The following CARF variants were observed in gnomAD, a reference collection of about 807,000 sequenced individuals.
CARF encodes calcium-responsive transcription factor.
In CARF, 57 loss-of-function variants were observed where a neutral mutation model predicts 82.0. That is an observed-to-expected ratio of 0.70 (90% CI 0.56 to 0.87). The LOEUF (loss-of-function observed/expected upper bound fraction) is 0.87. CARF is among the 40% of genes least tolerant of loss of function. The probability of loss-of-function intolerance (pLI) is 0.00; values close to 1 mark genes in which losing one functional copy is unlikely to be tolerated. For missense variants in CARF, 771 were observed against 855.8 expected (o/e 0.90, Z 1.24); for synonymous variants, 268 against 290.1 (o/e 0.92, Z 0.77).
In CARF at chr2:202,986,868, G is replaced by GTATGTATATATATATA. The variant is rs1491098285; in HGVS notation, c.*3247_*3248insGTATATATATATATAT. On this transcript the variant is annotated 3_prime_UTR_variant, in exon 17 of 17. Coordinates refer to ENST00000438828, the MANE Select transcript of CARF (RefSeq NM_024744.17). ...AAAGAGGTTTAAAAAATGTCTGTGC[G>GTATGTATATATATATA]TATATATATATATATATATATATAT... 1.3e-4 allele frequency: 4 copies of GTATGTATATATATATA among 29,638 alleles called. No homozygotes were observed. Among genetic ancestry groups the GTATGTATATATATATA allele is most frequent in the African/African-American group, 3.1e-4 (4 of 13,012 alleles). The allele number at this position is 29,638 out of a possible 1,614,324, so 1.8% of individuals were successfully genotyped here. A position where few individuals can be genotyped will look rare whatever the true frequency, so the allele number is the denominator to read the frequency against.
chr2:202,943,587 TACACACACAC>T (rs754214990), intron 5 of CARF, among the ~76,000 whole-genome samples: 65 of 115,182 alleles, frequency 5.6e-4, no homozygotes, highest in African/African-American at 1.9e-3. Context: ...TAATGGAATG[TACACACACAC>T]ACACACACAC....
intron 3 of CARF, chr2:202,934,445 GT>G (rs1274698577): frequency 6.6e-6 from 1 of 152,022 alleles, no homozygotes; most frequent in African/African-American, 2.4e-5. Flanking sequence ...TTAAAAGTTG[GT>G]TTTTCTTGTT....
intron 3 of CARF, among the ~76,000 whole-genome samples, chr2:202,932,547 G>A (rs1693125947): frequency 6.6e-6 from 1 of 152,092 alleles, no homozygotes; most frequent in African/African-American, 2.4e-5. Flanking sequence ...TGAGCCAATA[G>A]GGCTCGGTGG....
intron 7 of CARF, among the ~76,000 whole-genome samples, chr2:202,954,625 T>C (rs1020713464): frequency 5.3e-5 from 8 of 150,602 alleles, no homozygotes; most frequent in African/African-American, 2.0e-4. Context: ...AGGCAGAGAA[T>C]TGCTTGAACC....
At chr2:202,930,155 C>T (rs945520281) in intron 3 of CARF, among the ~76,000 whole-genome samples, 1 of 152,130 alleles carries the variant, frequency 6.6e-6, no homozygotes. Context: ...TCAAGCGATT[C>T]TCATGCCTTA....
rs1465856987 is a variant in CARF at position 202,987,152 on chromosome 2, G to T, written c.*3528G>T. The T allele has an allele frequency of 6.6e-6, 1 of 151,226 alleles. No homozygotes were observed. Among genetic ancestry groups the T allele is most frequent in the Non-Finnish European group, 1.5e-5 (1 of 67,868 alleles). 9.4% of individuals were successfully genotyped at this position (151,226 alleles called of 1,614,324 possible). A position where few individuals can be genotyped will look rare whatever the true frequency, so the allele number is the denominator to read the frequency against. On this transcript the variant is annotated 3_prime_UTR_variant, in exon 17 of 17. Transcript: ENST00000438828. ...ACTCCTGTTAGCATTACATTTTGGG[G>T]AGACATATATGCATTTAATACCCTG...
Position 202,952,653 on chromosome 2 carries a change from A to G in CARF, c.401A>G (p.Gln134Arg). ...GMAQVIIPQGQLVDVNSPRDV... is the reference protein window; with the variant it reads ...GMAQVIIPQGRLVDVNSPRDV... ...GCACAAGTGATTATACCTCAGGGGCAACTTGTGGATGTGAATAGTCCTCGG... is the reference window on the plus strand; with the variant it reads ...GCACAAGTGATTATACCTCAGGGGCGACTTGTGGATGTGAATAGTCCTCGG... The change falls in exon 6 of 17, where the codon CAA (glutamine) becomes CGA (arginine). Residue 134 changes from glutamine (Q) to arginine (R), a missense_variant. Physicochemically the swap from Gln to Arg is conservative, Grantham distance 43. Coordinates refer to ENST00000438828, the MANE Select transcript of CARF (RefSeq NM_024744.17). The G allele has an allele frequency of 3.1e-6, 5 of 1,613,936 alleles. No individual in the cohort carries two copies. The highest frequency in any genetic ancestry group is 4.2e-6 in the Non-Finnish European group (5 of 1,179,916).
At chr2:202,957,132 T>C (rs1179190437) in intron 8 of CARF, among the ~76,000 whole-genome samples, 11 of 152,180 alleles carry the variant, frequency 7.2e-5, no homozygotes. Flanking sequence ...AGTATCTTTT[T>C]CTTTTTGGCC....
chr2:202,963,431 A>T (rs1260490901), intron 9 of CARF, among the ~76,000 whole-genome samples: 1 of 152,208 alleles, frequency 6.6e-6, no homozygotes, highest in Non-Finnish European at 1.5e-5. Context: ...TAATATGGTA[A>T]CATTATGGAA....
At chr2:202,928,190 C>A (rs765362461) in intron 3 of CARF, among the ~76,000 whole-genome samples, 52 of 152,176 alleles carry the variant, frequency 3.4e-4, no homozygotes, top group Non-Finnish European at 7.1e-4. Flanking sequence ...TGAAATCAAC[C>A]TTTTAACTTT....
At chr2:202,938,651 T>G (rs6714099) in intron 3 of CARF, among the ~76,000 whole-genome samples, 38,762 of 92,470 alleles carry the variant, frequency 0.42, 5,950 homozygotes, top group East Asian at 0.67. Context: ...TGTGGGGGGG[T>G]TTTTTTTGTT....
intron 3 of CARF, among the ~76,000 whole-genome samples, chr2:202,941,343 T>A (rs2058221037): frequency 6.6e-6 from 1 of 152,148 alleles, no homozygotes; most frequent in South Asian, 2.1e-4. Flanking sequence ...TTCTTCATTT[T>A]CTTTTTTAAA....
chr2:202,943,630 AT>A (rs2058347664), intron 5 of CARF, among the ~76,000 whole-genome samples: 1 of 116,484 alleles, frequency 8.6e-6, no homozygotes, highest in Non-Finnish European at 2.1e-5. Flanking sequence ...ACACACACAC[AT>A]ATTAGGCTAA....
chr2:202,961,626 G>T (rs2059325468), intron 9 of CARF, 200 bp downstream of exon 9: 2 of 551,298 alleles, frequency 3.6e-6, no homozygotes, highest in African/African-American at 1.9e-5. Context: ...ATATATCAAT[G>T]AATAAATAAG....
chr2:202,971,766 C>A, intron 12 of CARF, 28 bp downstream of exon 12: 3 of 1,555,634 alleles, frequency 1.9e-6, no homozygotes, highest in Non-Finnish European at 2.7e-6. Flanking sequence ...TGTTCTTTTA[C>A]ATTTTTCAGT....
chr2:202,945,508 T>C (rs1032865930), intron 5 of CARF, among the ~76,000 whole-genome samples: 1 of 152,062 alleles, frequency 6.6e-6, no homozygotes, highest in Non-Finnish European at 1.5e-5. Flanking sequence ...GTTCCCTTCT[T>C]TGTGTTCATA....
chr2:202,954,483 G>A (rs1476540980), intron 7 of CARF, among the ~76,000 whole-genome samples: 4 of 152,114 alleles, frequency 2.6e-5, no homozygotes. Flanking sequence ...GGGAGGACAA[G>A]GCAGGTAGAT....
chr2:202,961,915 A>G, intron 9 of CARF: 1 of 162,770 alleles, frequency 6.1e-6, no homozygotes, highest in Non-Finnish European at 1.3e-5. Context: ...GGTATGTTAT[A>G]TACAGTATTC....
intron 3 of CARF, among the ~76,000 whole-genome samples, chr2:202,934,949 C>A (rs572572736): frequency 6.6e-6 from 1 of 151,052 alleles, no homozygotes; most frequent in African/African-American, 2.4e-5. Context: ...TGGTGGTGTG[C>A]GCCAGTAGTG....
Sources: allele counts gnomAD v4.1 joint callset (sites outside exome capture counted in the v4.1 genomes callset), GRCh38; gene constraint gnomAD v4.1.1; transcripts MANE v1.5; gene names NCBI Gene and HGNC (gene_info 2026-07-23, HGNC 2026-07-21).